Variants in RFTN2 observed in about 807,000 individuals in gnomAD.
The protein encoded by RFTN2 is raftlin-2.
In RFTN2, 34 loss-of-function variants were observed where a neutral mutation model predicts 52.7. That is an observed-to-expected ratio of 0.64 (90% confidence interval 0.49 to 0.86). The LOEUF (loss-of-function observed/expected upper bound fraction) is 0.86. Among genes scored for constraint, RFTN2 ranks in the 40% least tolerant of loss-of-function variants. The pLI is 0.00. For missense variants in RFTN2, 536 were observed against 600.1 expected (o/e 0.89, Z 1.12); for synonymous variants, 203 against 217.7 (o/e 0.93, Z 0.59).
chr2:197,603,966 A>C (rs2087921291), intron 7 of RFTN2, among the ~76,000 whole-genome samples: 1 of 151,958 alleles, frequency 6.6e-6, no homozygotes, highest in Admixed American at 6.6e-5. Context: ...ATAGAATTTT[A>C]AATGTGGGCA....
At chr2:197,660,575 T>TTTTTTC (rs2088963726) in intron 1 of RFTN2, among the ~76,000 whole-genome samples, 1 of 152,000 alleles carries the variant, frequency 6.6e-6, no homozygotes, top group Admixed American at 6.5e-5. Flanking sequence ...TTATCATTTC[T>TTTTTTC]TTTTTCTTTT....
chr2:197,627,123 G>A (rs2088377566), intron 5 of RFTN2, among the ~76,000 whole-genome samples: 1 of 152,148 alleles, frequency 6.6e-6, no homozygotes, highest in Admixed American at 6.5e-5. Flanking sequence ...CCTTGCTCCA[G>A]AAACACAGAC....
At chr2:197,636,838 C>A (rs1389211223) in intron 3 of RFTN2, among the ~76,000 whole-genome samples, 1 of 149,212 alleles carries the variant, frequency 6.7e-6, no homozygotes, top group East Asian at 2.0e-4. Context: ...GGGAATGCTT[C>A]CAGTTTTTGC....
At chr2:197,628,176 T>A (rs1193423866) in intron 5 of RFTN2, among the ~76,000 whole-genome samples, 1 of 141,240 alleles carries the variant, frequency 7.1e-6, no homozygotes, top group Non-Finnish European at 1.5e-5. Flanking sequence ...GGTCACAATT[T>A]CCCCTTGGCA....
intron 8 of RFTN2, among the ~76,000 whole-genome samples, chr2:197,589,824 G>A (rs907104722): frequency 2.6e-5 from 4 of 152,068 alleles, no homozygotes; most frequent in African/African-American, 9.7e-5. Flanking sequence ...TCTGTTAACA[G>A]TGTCATTCAC....
chr2:197,585,952 T>C (rs2087589627), intron 8 of RFTN2, among the ~76,000 whole-genome samples: 1 of 152,180 alleles, frequency 6.6e-6, no homozygotes, highest in African/African-American at 2.4e-5. Flanking sequence ...TGCTCCTTTT[T>C]GTATCTCTCA....
chr2:197,659,188 G>A (rs1400271683), intron 1 of RFTN2, among the ~76,000 whole-genome samples: 5 of 152,092 alleles, frequency 3.3e-5, no homozygotes, highest in Admixed American at 1.3e-4. Context: ...GATGACTGGT[G>A]TGTATTTTTG....
rs538300320 is a variant in RFTN2, at chr2:197,571,872, A to G, written c.*136T>C. The G allele has an allele frequency of 6.2e-6, 5 of 802,456 alleles. No individual in the cohort carries two copies. The East Asian group carries it at 1.1e-4, about 17-fold the overall frequency. 49.7% of individuals were successfully genotyped at this position (802,456 alleles called of 1,614,324 possible). ...TGTCTGGGAGGTTGTGCCAAAGTTT[A>G]CATAGATTAGAGGAAAGGCTGGGTC... On this transcript the variant is annotated 3_prime_UTR_variant, in exon 9 of 9. Transcript: ENST00000295049.
chr2:197,598,008 C>T (rs2087819647), intron 7 of RFTN2, among the ~76,000 whole-genome samples: 1 of 152,152 alleles, frequency 6.6e-6, no homozygotes, highest in Non-Finnish European at 1.5e-5. Flanking sequence ...TCAAGAATAT[C>T]TTCCAGAGAG....
intron 1 of RFTN2, among the ~76,000 whole-genome samples, chr2:197,655,297 T>G (rs1435698453): frequency 6.6e-6 from 1 of 152,182 alleles, no homozygotes; most frequent in East Asian, 1.9e-4. Flanking sequence ...CAGAAAAATT[T>G]TGCATCATTG....
In RFTN2 at chr2:197,571,939, T is replaced by C; in HGVS notation, c.*69A>G. ...TATTACATAAATGCAGAGAAAGTAATACAATAAGGTCAGTTGGCAATGATT... is the reference window on the plus strand; with the variant it reads ...TATTACATAAATGCAGAGAAAGTAACACAATAAGGTCAGTTGGCAATGATT... On this transcript the variant is annotated 3_prime_UTR_variant, in exon 9 of 9. Transcript: ENST00000295049. 6.1e-6 allele frequency: 9 copies of C among 1,476,968 alleles called. No individual in the cohort carries two copies. Among genetic ancestry groups the C allele is most frequent in the Non-Finnish European group, 8.4e-6 (9 of 1,067,502 alleles). 91.5% of individuals were successfully genotyped at this position (1,476,968 alleles called of 1,614,324 possible). A position where few individuals can be genotyped will look rare whatever the true frequency, so the allele number is the denominator to read the frequency against.
intron 8 of RFTN2, among the ~76,000 whole-genome samples, chr2:197,583,860 G>A (rs950735505): frequency 1.3e-5 from 2 of 152,070 alleles, no homozygotes; most frequent in Middle Eastern, 3.4e-3. Flanking sequence ...TCCAAACTAT[G>A]AGTGAGAACA....
intron 7 of RFTN2, among the ~76,000 whole-genome samples, chr2:197,610,597 C>T (rs1250292716): frequency 1.3e-5 from 2 of 152,038 alleles, no homozygotes; most frequent in African/African-American, 4.8e-5. Context: ...AATTGAATAC[C>T]CTTTATTTCT....
At chr2:197,654,766 G>C (rs748500565) in intron 1 of RFTN2, among the ~76,000 whole-genome samples, 2 of 152,170 alleles carry the variant, frequency 1.3e-5, no homozygotes, top group African/African-American at 2.4e-5. Flanking sequence ...GGGAGGCCGC[G>C]GTGGGAGGAT....
At chr2:197,629,162 A>C (rs1308654521) in intron 5 of RFTN2, among the ~76,000 whole-genome samples, 1 of 152,242 alleles carries the variant, frequency 6.6e-6, no homozygotes, top group East Asian at 1.9e-4. Flanking sequence ...TTATTGTGGC[A>C]CTATTCATAA....
At chr2:197,580,944 C>T (rs2087496567) in intron 8 of RFTN2, among the ~76,000 whole-genome samples, 1 of 152,158 alleles carries the variant, frequency 6.6e-6, no homozygotes, top group South Asian at 2.1e-4. Context: ...CTCATTGCTG[C>T]CCTTCGTCCC....
chr2:197,640,581 C>T (rs1209361022), intron 3 of RFTN2, among the ~76,000 whole-genome samples: 1 of 152,254 alleles, frequency 6.6e-6, no homozygotes, highest in East Asian at 1.9e-4. Context: ...CAATGCCTCG[C>T]CCTGCTTCGG....
chr2:197,631,603 C>T (rs2088470506), intron 4 of RFTN2, among the ~76,000 whole-genome samples: 1 of 152,178 alleles, frequency 6.6e-6, no homozygotes, highest in Non-Finnish European at 1.5e-5. Flanking sequence ...TTTTGTTCAA[C>T]ATGCCTTTGA....
Position 197,646,545 on chromosome 2 carries a change from C to G in RFTN2, c.261G>C (p.Gly87=). Residue 87 remains glycine, a synonymous_variant, in exon 2 of 9, where the codon GGG becomes GGC. Coordinates refer to ENST00000295049, the MANE Select transcript of RFTN2 (RefSeq NM_144629.3). ...AACTTGCAGGTAGGTGTTTTCGCTG[C>G]CCCACAGGTTGTATAACAGGATGAA... ...GAIHPVIQPV[G]QRKHLPASYL... 6.2e-7 allele frequency: 1 copy of G among 1,613,954 alleles called. No homozygotes were observed. The highest frequency in any genetic ancestry group is 8.5e-7 in the Non-Finnish European group (1 of 1,179,856).
Sources: allele counts gnomAD v4.1 joint callset (sites outside exome capture counted in the v4.1 genomes callset), GRCh38; gene constraint gnomAD v4.1.1; transcripts MANE v1.5; gene names NCBI Gene and HGNC (gene_info 2026-07-23, HGNC 2026-07-21).